Variants in KIAA1217 observed in about 807,000 individuals in gnomAD.
The protein encoded by KIAA1217 is KIAA1217, also known as sickle tail protein homolog.
In KIAA1217, 88 loss-of-function variants were observed where a neutral mutation model predicts 163.9. That is an observed-to-expected ratio of 0.54 (90% CI 0.45 to 0.64). The LOEUF is 0.64. KIAA1217 is among the 30% of genes least tolerant of loss of function. The pLI is 0.00. For missense variants in KIAA1217, 2,372 were observed against 2,475.0 expected, an observed-to-expected ratio of 0.96 and a Z score of 0.88; for synonymous variants, 903 against 923.1, an observed-to-expected ratio of 0.98 and a Z score of 0.39.
intron 1 of KIAA1217, among the ~76,000 whole-genome samples, chr10:23,769,644 A>G (rs1312040546): frequency 6.6e-6 from 1 of 152,242 alleles, no homozygotes; most frequent in East Asian, 1.9e-4. Flanking sequence ...ATGAGAAACA[A>G]GATGGAGCTA....
intron 2 of KIAA1217, chr10:24,239,130 A>C: frequency 1.0e-6 from 1 of 984,914 alleles, no homozygotes; most frequent in South Asian, 4.7e-5. Flanking sequence ...GTAGCTACTC[A>C]AAAAGTCCTA....
At chr10:24,466,894 A>G (rs1026214955) in intron 5 of KIAA1217, 1 of 630,182 alleles carries the variant, frequency 1.6e-6, no homozygotes, top group African/African-American at 2.0e-5. Context: ...TATGTTTACA[A>G]ATTCTAGACT....
Position 24,543,082 on chromosome 10 carries a change from C to T in KIAA1217, c.3812C>T (p.Ser1271Phe). 6.2e-7 allele frequency: 1 copy of T among 1,613,838 alleles called. No individual in the cohort carries two copies. Among genetic ancestry groups the T allele is most frequent in the Non-Finnish European group, 8.5e-7 (1 of 1,179,988 alleles). ...GTGCCTAAGGCCAGTTTCGGTTTCT[C>T]TGGCATTAGTCCATTAGAAGATGAA... ...ETVPKASFGF[S>F]GISPLEDEIN... Residue 1271 changes from serine (S) to phenylalanine (F), a missense_variant, in exon 19 of 21, where the codon TCT becomes TTT. Around this residue, in one of 3 missense-constraint regions of KIAA1217, gnomAD observed 251 missense variants for 327.3 expected, o/e 0.77. Transcript: ENST00000376454.
intron 17 of KIAA1217, among the ~76,000 whole-genome samples, chr10:24,539,339 G>C (rs900754565): frequency 1.3e-5 from 2 of 151,138 alleles, no homozygotes; most frequent in African/African-American, 4.9e-5. Flanking sequence ...AGTGATTCTC[G>C]TGCCTCAGCC....
chr10:24,365,500 G>T (rs942551085), intron 2 of KIAA1217, among the ~76,000 whole-genome samples: 1 of 151,610 alleles, frequency 6.6e-6, no homozygotes, highest in Non-Finnish European at 1.5e-5. Flanking sequence ...TATTATTTGT[G>T]GTCTACTTCA....
At chr10:24,171,749 T>C (rs1020897880) in intron 2 of KIAA1217, among the ~76,000 whole-genome samples, 7 of 151,898 alleles carry the variant, frequency 4.6e-5, no homozygotes, top group Non-Finnish European at 1.5e-5. Flanking sequence ...ATTGCACCAT[T>C]GCACTCCAGA....
At chr10:23,850,048 A>C (rs1839234664) in intron 1 of KIAA1217, among the ~76,000 whole-genome samples, 1 of 152,060 alleles carries the variant, frequency 6.6e-6, no homozygotes, top group African/African-American at 2.4e-5. Context: ...ACAATTTACA[A>C]ATTGGACTTT....
upstream of KIAA1217, among the ~76,000 whole-genome samples, chr10:24,208,515 C>T (rs1231429564): frequency 6.6e-6 from 1 of 151,962 alleles, no homozygotes; most frequent in African/African-American, 2.4e-5. Context: ...GACGCTATAC[C>T]TCTTCATAGA....
At chr10:24,066,943 G>A (rs919389691) in intron 2 of KIAA1217, among the ~76,000 whole-genome samples, 1 of 152,134 alleles carries the variant, frequency 6.6e-6, no homozygotes, top group Non-Finnish European at 1.5e-5. Context: ...ATCAGTTACT[G>A]AGGCTTGTGC....
At chr10:24,385,466 CT>C (rs2053882700) in intron 3 of KIAA1217, among the ~76,000 whole-genome samples, 1 of 152,182 alleles carries the variant, frequency 6.6e-6, no homozygotes, top group African/African-American at 2.4e-5. Flanking sequence ...AAGGTGTCTA[CT>C]TCTCATTTGG....
At chr10:23,984,610 G>A (rs1340886198) in intron 1 of KIAA1217, among the ~76,000 whole-genome samples, 1 of 152,170 alleles carries the variant, frequency 6.6e-6, no homozygotes, top group Non-Finnish European at 1.5e-5. Context: ...CATGTCCTTT[G>A]CAGGGACATG....
intron 1 of KIAA1217, among the ~76,000 whole-genome samples, chr10:23,721,851 G>A (rs537734967): frequency 9.3e-4 from 142 of 151,900 alleles, no homozygotes; most frequent in Non-Finnish European, 1.5e-3. Context: ...ACTTTTCCAG[G>A]TACAAGTTTC....
At chr10:23,882,021 G>A (rs11817949) in intron 1 of KIAA1217, among the ~76,000 whole-genome samples, 2,183 of 145,962 alleles carry the variant, frequency 0.015, 55 homozygotes, top group African/African-American at 0.049. Flanking sequence ...TCACAATTCC[G>A]TAAAATAGAG....
intron 2 of KIAA1217, among the ~76,000 whole-genome samples, chr10:24,043,525 T>A (rs1460594686): frequency 6.6e-6 from 1 of 152,148 alleles, no homozygotes; most frequent in East Asian, 1.9e-4. Context: ...TCCACTGTGA[T>A]CAATGACATG....
At chr10:24,188,405 A>C (rs925625428) in intron 2 of KIAA1217, among the ~76,000 whole-genome samples, 1 of 152,156 alleles carries the variant, frequency 6.6e-6, no homozygotes, top group African/African-American at 2.4e-5. Flanking sequence ...GGGAATTCTC[A>C]GGGGTAGAGG....
At chr10:23,966,217 G>A (rs1431084568) in intron 1 of KIAA1217, among the ~76,000 whole-genome samples, 1 of 152,096 alleles carries the variant, frequency 6.6e-6, no homozygotes, top group Non-Finnish European at 1.5e-5. Flanking sequence ...CTGAGATCAC[G>A]CTGACTGATA....
At chr10:24,011,225 C>G (rs1847223736) in intron 2 of KIAA1217, among the ~76,000 whole-genome samples, 1 of 152,114 alleles carries the variant, frequency 6.6e-6, no homozygotes, top group South Asian at 2.1e-4. Flanking sequence ...GTGGCTCACA[C>G]CTATAGTCCC....
intron 2 of KIAA1217, among the ~76,000 whole-genome samples, chr10:24,369,038 A>G (rs1224632403): frequency 1.3e-5 from 2 of 152,216 alleles, no homozygotes; most frequent in South Asian, 2.1e-4. Context: ...CTTTTCATAA[A>G]ATAACCTGAT....
chr10:23,806,195 G>A (rs1030160261), intron 1 of KIAA1217, among the ~76,000 whole-genome samples: 5 of 152,056 alleles, frequency 3.3e-5, no homozygotes, highest in African/African-American at 4.8e-5. Context: ...CTGTGTGCAC[G>A]TGAGAAGGGA....
Sources: gnomAD v4.1 joint callset for allele counts (sites outside exome capture counted in the v4.1 genomes callset) on GRCh38, gnomAD v4.1.1 for gene constraint, gnomAD v4.1.1 regional missense constraint, MANE v1.5 for transcripts, NCBI Gene and HGNC (gene_info 2026-07-23, HGNC 2026-07-21) for gene names.